TSPAN14: variants seen among roughly 807,000 people sequenced by gnomAD.
TSPAN14 encodes tetraspanin-14.
In TSPAN14, 16 loss-of-function variants were observed where a neutral mutation model predicts 36.6. That is an observed-to-expected ratio of 0.44 (90% CI 0.30 to 0.66). The LOEUF (loss-of-function observed/expected upper bound fraction) is 0.66, where lower values mean the gene tolerates loss of function less well. TSPAN14 is among the 30% of genes least tolerant of loss of function. TSPAN14 has a pLI of 0.12. For synonymous variants in TSPAN14, 139 were observed against 143.8 expected, an observed-to-expected ratio of 0.97 and a Z score of 0.24; for missense variants, 231 against 355.1, an observed-to-expected ratio of 0.65 and a Z score of 2.81.
intron 1 of TSPAN14, among the ~76,000 whole-genome samples, chr10:80,473,388 T>TA (rs1220611266): frequency 6.6e-6 from 1 of 152,212 alleles, no homozygotes; most frequent in African/African-American, 2.4e-5. Context: ...TCAGGGTTTT[T>TA]ACAGGATGCC....
intron 5 of TSPAN14, among the ~76,000 whole-genome samples, chr10:80,510,907 A>T (rs182073255): frequency 3.5e-4 from 54 of 152,332 alleles, no homozygotes; most frequent in African/African-American, 1.3e-3. Context: ...TTAAAACAAA[A>T]CAAAACAAAA....
At chr10:80,517,819 G>A in intron 8 of TSPAN14, 86 bp from the exon 9 acceptor site, 5 of 1,330,894 alleles carry the variant, frequency 3.8e-6, no homozygotes, top group Non-Finnish European at 5.3e-6. Context: ...GGCGTGCAGT[G>A]GGAGCTCCCA....
exon 9 of TSPAN14, chr10:80,519,315 G>A (rs1236586262): frequency 2.6e-5 from 4 of 152,714 alleles, no homozygotes; most frequent in African/African-American, 9.7e-5. Context: ...GGGCTTTTCT[G>A]GGGCTGCTCT....
exon 9 of TSPAN14, chr10:80,519,739 A>G (rs985499409): frequency 6.6e-6 from 1 of 152,458 alleles, no homozygotes. Context: ...TAGACCTTAC[A>G]GAAGGATGGA....
chr10:80,519,792 C>T (rs897186251), exon 9 of TSPAN14: 3 of 151,682 alleles, frequency 2.0e-5, no homozygotes, highest in African/African-American at 7.3e-5. Context: ...ACTTACATTT[C>T]ATTGAGTAAT....
intron 2 of TSPAN14, among the ~76,000 whole-genome samples, chr10:80,498,159 A>G (rs187248270): frequency 3.3e-5 from 5 of 152,028 alleles, no homozygotes; most frequent in East Asian, 3.9e-4. Flanking sequence ...ATTCTATTCA[A>G]TCGTCAGCAT....
At chr10:80,501,119 T>C (rs866631743) in intron 2 of TSPAN14, among the ~76,000 whole-genome samples, 2,188 of 133,536 alleles carry the variant, frequency 0.016, 52 homozygotes, top group African/African-American at 0.059. Context: ...TTTTTTTTTT[T>C]CTTTTTTTTT....
intron 1 of TSPAN14, among the ~76,000 whole-genome samples, chr10:80,469,577 A>G (rs964337887): frequency 5.3e-5 from 8 of 151,998 alleles, no homozygotes; most frequent in Non-Finnish European, 1.0e-4. Flanking sequence ...GTTTTAGGGG[A>G]TGATCTGCTT....
At chr10:80,510,324 T>G (rs1248573811) in intron 5 of TSPAN14, among the ~76,000 whole-genome samples, 1 of 152,264 alleles carries the variant, frequency 6.6e-6, no homozygotes, top group African/African-American at 2.4e-5. Flanking sequence ...ATTTCATGTA[T>G]TATGGGATCC....
chr10:80,461,647 C>T (rs939761049), intron 1 of TSPAN14, among the ~76,000 whole-genome samples: 3 of 151,852 alleles, frequency 2.0e-5, no homozygotes, highest in African/African-American at 7.3e-5. Flanking sequence ...TGTAGGGTAG[C>T]CCTGACGCTC....
chr10:80,494,570 A>G (rs965198878), intron 2 of TSPAN14, among the ~76,000 whole-genome samples: 3 of 152,008 alleles, frequency 2.0e-5, no homozygotes, highest in African/African-American at 4.8e-5. Context: ...GACTTTTATT[A>G]TGCTCCTCTT....
intron 2 of TSPAN14, among the ~76,000 whole-genome samples, chr10:80,489,552 C>G (rs1339938108): frequency 6.6e-6 from 1 of 152,210 alleles, no homozygotes; most frequent in Non-Finnish European, 1.5e-5. Context: ...TTCAGGAAGC[C>G]TTGGGGCTCT....
At chr10:80,499,964 CAGA>C (rs750952867) in intron 2 of TSPAN14, among the ~76,000 whole-genome samples, 1 of 152,216 alleles carries the variant, frequency 6.6e-6, no homozygotes, top group African/African-American at 2.4e-5. Context: ...CCCTCACTCC[CAGA>C]AGATTGGCAG....
At chr10:80,489,661 CTA>C (rs1847818210) in intron 2 of TSPAN14, among the ~76,000 whole-genome samples, 1 of 152,316 alleles carries the variant, frequency 6.6e-6, no homozygotes, top group African/African-American at 2.4e-5. Flanking sequence ...GTGCATCTGA[CTA>C]TGGGCCAGGC....
intron 1 of TSPAN14, among the ~76,000 whole-genome samples, chr10:80,474,881 T>C (rs1846769262): frequency 6.6e-6 from 1 of 152,146 alleles, no homozygotes; most frequent in African/African-American, 2.4e-5. Context: ...ATATAAAAAA[T>C]GAGACTCTTG....
chr10:80,456,501 G>A (rs1020394594), intron 1 of TSPAN14, among the ~76,000 whole-genome samples: 2 of 152,154 alleles, frequency 1.3e-5, no homozygotes, highest in African/African-American at 4.8e-5. Context: ...CATGGAGGCC[G>A]GGGAGCAGGA....
At chr10:80,501,968 A>G (rs1339888901) in intron 2 of TSPAN14, among the ~76,000 whole-genome samples, 4 of 152,152 alleles carry the variant, frequency 2.6e-5, no homozygotes, top group African/African-American at 4.8e-5. Flanking sequence ...AGCTGGGGAG[A>G]CACAATAGAG....
intron 7 of TSPAN14, chr10:80,515,931 A>G (rs78467081): frequency 0.022 from 9,674 of 446,302 alleles, 809 homozygotes; most frequent in African/African-American, 0.17. Flanking sequence ...GGGGAAGGGT[A>G]TCTTGAGAAA....
At chr10:80,477,030 ACT>A (rs1433601116) in intron 1 of TSPAN14, among the ~76,000 whole-genome samples, 13 of 152,214 alleles carry the variant, frequency 8.5e-5, no homozygotes, top group African/African-American at 2.9e-4. Flanking sequence ...GTCCTTGCTT[ACT>A]GTCAGCCAGG....
Sources: allele counts gnomAD v4.1 joint callset (sites outside exome capture counted in the v4.1 genomes callset), GRCh38; gene constraint gnomAD v4.1.1; transcripts MANE v1.5; gene names NCBI Gene and HGNC (gene_info 2026-07-23, HGNC 2026-07-21).